The following PKP4 variants were observed in gnomAD, a reference collection of about 807,000 sequenced individuals.
The protein encoded by PKP4 is plakophilin-4.
PKP4 carries 90 observed loss-of-function variants against 145.1 expected under a neutral mutation model. The ratio of observed to expected loss-of-function variants is 0.62; its 90% CI spans 0.52 to 0.74. The LOEUF is 0.74. Among genes scored for constraint, PKP4 ranks in the 30% least tolerant of loss-of-function variants. PKP4 has a pLI of 0.00. For missense variants in PKP4, 1,340 were observed against 1,482.7 expected, an observed-to-expected ratio of 0.90 and a Z score of 1.58; for synonymous variants, 563 against 577.2, an observed-to-expected ratio of 0.98 and a Z score of 0.35.
chr2:158,633,972 A>G (rs1329310532), intron 8 of PKP4, 98 bp from the exon 9 acceptor site: 1 of 687,500 alleles, frequency 1.5e-6, no homozygotes, highest in Non-Finnish European at 2.5e-6. Flanking sequence ...TATAATTGCC[A>G]AAAAATATAG....
At chr2:158,537,553 C>A (rs1341102260) in intron 2 of PKP4, among the ~76,000 whole-genome samples, 3 of 152,182 alleles carry the variant, frequency 2.0e-5, no homozygotes, top group Non-Finnish European at 4.4e-5. Context: ...CAGCCACCAC[C>A]TGGCTGTAAT....
chr2:158,652,930 A>G (rs763682504), intron 11 of PKP4, among the ~76,000 whole-genome samples: 2 of 152,214 alleles, frequency 1.3e-5, no homozygotes, highest in Non-Finnish European at 2.9e-5. Context: ...ACCTGCCTCC[A>G]TCATGAACGT....
intron 1 of PKP4, among the ~76,000 whole-genome samples, chr2:158,497,984 T>C (rs1574114546): frequency 1.3e-5 from 2 of 152,036 alleles, no homozygotes; most frequent in Admixed American, 6.6e-5. Flanking sequence ...AGCTTAGATA[T>C]GGAGTGTGGT....
At chr2:158,663,796 C>T (rs138425275) in intron 15 of PKP4, among the ~76,000 whole-genome samples, 91 of 152,234 alleles carry the variant, frequency 6.0e-4, no homozygotes, top group African/African-American at 2.1e-3. Context: ...GGAGTAAGGA[C>T]GTGGAGGAGA....
intron 2 of PKP4, among the ~76,000 whole-genome samples, chr2:158,571,001 C>A (rs1384372021): frequency 6.6e-6 from 1 of 152,082 alleles, no homozygotes; most frequent in Non-Finnish European, 1.5e-5. Context: ...CATGCAGAGA[C>A]CAGCCTTGGG....
intron 6 of PKP4, among the ~76,000 whole-genome samples, chr2:158,622,609 A>G (rs1353335164): frequency 6.6e-6 from 1 of 152,234 alleles, no homozygotes. Context: ...ACAGAGAAAC[A>G]TAATACAACT....
chr2:158,534,653 G>A (rs1009794970), intron 2 of PKP4, among the ~76,000 whole-genome samples: 2 of 152,146 alleles, frequency 1.3e-5, no homozygotes, highest in Non-Finnish European at 1.5e-5. Flanking sequence ...TTATCAAAAT[G>A]TTTAGAAATG....
intron 3 of PKP4, chr2:158,578,146 C>A: frequency 5.0e-6 from 1 of 199,210 alleles, no homozygotes; most frequent in Non-Finnish European, 1.1e-5. Context: ...TATTTCTAAC[C>A]TCATAATTAT....
chr2:158,621,668 C>G (rs966224299), intron 6 of PKP4, among the ~76,000 whole-genome samples: 1 of 151,710 alleles, frequency 6.6e-6, no homozygotes, highest in African/African-American at 2.4e-5. Flanking sequence ...ATCACTTGAG[C>G]CCAGGAGGCA....
intron 2 of PKP4, among the ~76,000 whole-genome samples, chr2:158,540,822 G>T (rs2044456322): frequency 6.6e-6 from 1 of 152,054 alleles, no homozygotes; most frequent in Non-Finnish European, 1.5e-5. Flanking sequence ...AATTAGCATT[G>T]TTTCGTTTAC....
At chr2:158,620,694 G>A (rs1184992565) in intron 4 of PKP4, among the ~76,000 whole-genome samples, 1 of 152,170 alleles carries the variant, frequency 6.6e-6, no homozygotes, top group East Asian at 1.9e-4. Flanking sequence ...GGAGGAAGGT[G>A]TCTGAGAGGT....
intron 2 of PKP4, among the ~76,000 whole-genome samples, chr2:158,542,860 G>A (rs192072331): frequency 8.3e-4 from 127 of 152,212 alleles, no homozygotes; most frequent in Non-Finnish European, 1.5e-3. Flanking sequence ...TAGAAAAATT[G>A]TAATTGTGAG....
intron 4 of PKP4, among the ~76,000 whole-genome samples, chr2:158,608,871 T>TG (rs2050883921): frequency 7.3e-6 from 1 of 137,630 alleles, no homozygotes; most frequent in Admixed American, 8.3e-5. Flanking sequence ...CGAAGTTCGG[T>TG]GGCGCCATTT....
intron 1 of PKP4, among the ~76,000 whole-genome samples, chr2:158,498,184 G>T (rs1288206865): frequency 6.6e-6 from 1 of 151,956 alleles, no homozygotes; most frequent in Non-Finnish European, 1.5e-5. Context: ...TTGAGATGGG[G>T]TCTTACTATG....
intron 3 of PKP4, among the ~76,000 whole-genome samples, chr2:158,582,857 A>T (rs1400915119): frequency 6.6e-6 from 1 of 152,188 alleles, no homozygotes; most frequent in Non-Finnish European, 1.5e-5. Context: ...AATACTTAGC[A>T]TATGTAGATG....
At chr2:158,545,567 TCTTATA>T (rs1269678508) in intron 2 of PKP4, among the ~76,000 whole-genome samples, 1 of 152,190 alleles carries the variant, frequency 6.6e-6, no homozygotes, top group Non-Finnish European at 1.5e-5. Flanking sequence ...CAGTTCATAA[TCTTATA>T]CTTATTTAAA....
At chr2:158,664,909 C>G (rs1041532731) in intron 15 of PKP4, among the ~76,000 whole-genome samples, 13 of 151,052 alleles carry the variant, frequency 8.6e-5, no homozygotes, top group Non-Finnish European at 1.8e-4. Context: ...CAGCGTTCAC[C>G]TTCAGCTTCT....
chr2:158,679,805 C>T (rs1447364395), intron 21 of PKP4, among the ~76,000 whole-genome samples: 1 of 152,162 alleles, frequency 6.6e-6, no homozygotes, highest in African/African-American at 2.4e-5. Flanking sequence ...ACGTGTGTCT[C>T]CTAATTTTAC....
At chr2:158,669,158 C>T (rs1005822409) in intron 16 of PKP4, 1 of 152,164 alleles carries the variant, frequency 6.6e-6, no homozygotes, top group Admixed American at 6.5e-5. Context: ...AAGAAACTAA[C>T]ATGTTGCCAC....
Sources: allele counts gnomAD v4.1 joint callset (sites outside exome capture counted in the v4.1 genomes callset), GRCh38; gene constraint gnomAD v4.1.1; transcripts MANE v1.5; gene names NCBI Gene and HGNC (gene_info 2026-07-23, HGNC 2026-07-21).